CCDC57: variants seen among roughly 807,000 people sequenced by gnomAD.
The protein encoded by CCDC57 is coiled-coil domain-containing protein 57.
CCDC57 carries 118 observed loss-of-function variants against 118.9 expected under a neutral mutation model. The observed-to-expected ratio is 0.99, with a 90% CI of 0.86 to 1.16. The LOEUF (loss-of-function observed/expected upper bound fraction) is 1.16, where lower values mean the gene tolerates loss of function less well. Ranked by LOEUF, CCDC57 falls within the 50% of genes most tolerant of loss-of-function variation. The pLI, the probability that CCDC57 is intolerant of heterozygous loss-of-function variation, is 0.00. For missense variants in CCDC57, 1,300 were observed against 1,320.7 expected (o/e 0.98, Z 0.24); for synonymous variants, 527 against 532.9 (o/e 0.99, Z 0.15).
intron 18 of CCDC57, among the ~76,000 whole-genome samples, chr17:82,128,161 A>G (rs922790202): frequency 3.9e-5 from 6 of 152,230 alleles, no homozygotes; most frequent in Admixed American, 3.9e-4. Flanking sequence ...CTTAAATGAC[A>G]AAACATGTCT....
chr17:82,133,220 A>G (rs2038670084), intron 17 of CCDC57, among the ~76,000 whole-genome samples: 1 of 152,040 alleles, frequency 6.6e-6, no homozygotes, highest in Non-Finnish European at 1.5e-5. Flanking sequence ...AAAATATAAA[A>G]ATTAGCCATT....
At chr17:82,196,672 C>T (rs528241610) in intron 4 of CCDC57, among the ~76,000 whole-genome samples, 30 of 152,268 alleles carry the variant, frequency 2.0e-4, no homozygotes, top group African/African-American at 7.0e-4. Context: ...ATGACACCCC[C>T]ATAGACACAG....
At chr17:82,108,431 G>A (rs1347387297) in intron 19 of CCDC57, among the ~76,000 whole-genome samples, 1 of 152,144 alleles carries the variant, frequency 6.6e-6, no homozygotes, top group Non-Finnish European at 1.5e-5. Context: ...TTTATAGCAG[G>A]GTCCGCCGAA....
At chr17:82,200,188 C>T (rs781093017) in intron 3 of CCDC57, among the ~76,000 whole-genome samples, 4 of 152,198 alleles carry the variant, frequency 2.6e-5, no homozygotes, top group Non-Finnish European at 5.9e-5. Context: ...CCGTTCACAC[C>T]CATCTGAGAC....
At chr17:82,129,698 T>C (rs1961594479) in intron 17 of CCDC57, among the ~76,000 whole-genome samples, 2 of 152,156 alleles carry the variant, frequency 1.3e-5, no homozygotes, top group Admixed American at 1.3e-4. Flanking sequence ...CTTTTTCTTA[T>C]TGATCTGTAG....
intron 19 of CCDC57, among the ~76,000 whole-genome samples, chr17:82,125,021 T>C (rs2037228380): frequency 4.6e-5 from 7 of 151,814 alleles, no homozygotes; most frequent in Admixed American, 4.6e-4. Flanking sequence ...GGAGTGCAGG[T>C]GGGAGGGTCA....
chr17:82,188,865 T>C (rs2047310175), intron 7 of CCDC57, among the ~76,000 whole-genome samples: 2 of 152,242 alleles, frequency 1.3e-5, no homozygotes, highest in Non-Finnish European at 2.9e-5. Flanking sequence ...TCTTGCTGTG[T>C]TGCCCAGCCT....
rs114142871 is a variant in CCDC57 at position 82,204,022 on chromosome 17, C to T, written c.-8-2070G>A. On this transcript the variant is annotated intron_variant, in intron 2 of 19. Coordinates refer to ENST00000665763, the Ensembl canonical transcript of CCDC57. ...AGGAGGTGGGTAAGGGGCTGCAAGA[C>T]CCGTGGGCCCCTCCAGAAAGGGCTG... Among the ~76,000 whole-genome samples the T allele has an allele frequency of 8.3e-3, 1,268 of 152,314 alleles. 12 individuals are homozygous for T. The highest frequency in any genetic ancestry group is 0.029 in the African/African-American group (1,215 of 41,566).
chr17:82,148,937 T>G (rs2145772249), intron 16 of CCDC57, among the ~76,000 whole-genome samples: 8 of 37,480 alleles, frequency 2.1e-4, no homozygotes, highest in African/African-American at 3.2e-4. Context: ...GATGGATGGG[T>G]GGGTGGGTGG....
At chr17:82,150,844 C>T (rs2041878095) in intron 16 of CCDC57, among the ~76,000 whole-genome samples, 1 of 122,992 alleles carries the variant, frequency 8.1e-6, no homozygotes, top group African/African-American at 3.1e-5. Context: ...CTGACCCGCA[C>T]CCAGAACCAG....
chr17:82,163,442 C>A, intron 13 of CCDC57, 85 bp from the exon 13 acceptor site: 1 of 1,518,828 alleles, frequency 6.6e-7, no homozygotes, highest in South Asian at 1.2e-5. Context: ...TATCAGCTCT[C>A]CCTTTCCCGT....
chr17:82,206,096 CAGG>C (rs1356557690), intron 2 of CCDC57, among the ~76,000 whole-genome samples: 1 of 152,220 alleles, frequency 6.6e-6, no homozygotes. Context: ...TGGGGAGCGG[CAGG>C]AGAAGCCGCC....
At chr17:82,113,339 C>T (rs1568144594) in intron 19 of CCDC57, 1 of 707,604 alleles carries the variant, frequency 1.4e-6, no homozygotes, top group East Asian at 2.7e-5. Flanking sequence ...GCTGTGCATC[C>T]AGCCTCATAA....
intron 16 of CCDC57, chr17:82,135,213 C>T (rs2038981376): frequency 6.6e-6 from 1 of 152,168 alleles, no homozygotes; most frequent in Non-Finnish European, 1.5e-5. Flanking sequence ...AGCAATTCTC[C>T]TGCCTCAGCC....
At chr17:82,148,244 AGATGGATG>A (rs1249434429) in intron 16 of CCDC57, among the ~76,000 whole-genome samples, 3 of 115,720 alleles carry the variant, frequency 2.6e-5, no homozygotes, top group East Asian at 2.8e-4. Flanking sequence ...GTAGATGGGT[AGATGGATG>A]GATGGATGGA....
At chr17:82,148,125 AGATGGATGGATGGATGGATGGATG>A (rs143199335) in intron 16 of CCDC57, among the ~76,000 whole-genome samples, 6 of 75,844 alleles carry the variant, frequency 7.9e-5, no homozygotes, top group Admixed American at 1.5e-4. Context: ...TTGGATGGTT[AGATGGATGGATGGATGGATGGATG>A]GATGGATGGA....
chr17:82,136,999 T>C (rs1339525612), intron 16 of CCDC57, among the ~76,000 whole-genome samples: 4 of 149,540 alleles, frequency 2.7e-5, no homozygotes, highest in Admixed American at 6.8e-5. Context: ...TGGGTTTGTT[T>C]CCTTGGTGTA....
chr17:82,178,564 C>T (rs2045812009), exon 11 of CCDC57: 1 of 1,613,490 alleles, frequency 6.2e-7, no homozygotes, highest in African/African-American at 1.3e-5. Context: ...CCACCTCCTG[C>T]TCCTGTAGCG....
At chr17:82,132,074 C>T (rs1489555224) in intron 17 of CCDC57, among the ~76,000 whole-genome samples, 6 of 142,840 alleles carry the variant, frequency 4.2e-5, no homozygotes, top group South Asian at 2.2e-4. Flanking sequence ...GCCCAAATTA[C>T]GCCACTGCAC....
Sources: gnomAD v4.1 joint callset for allele counts (sites outside exome capture counted in the v4.1 genomes callset) on GRCh38, gnomAD v4.1.1 for gene constraint, MANE v1.5 for transcripts, NCBI Gene and HGNC (gene_info 2026-07-23, HGNC 2026-07-21) for gene names.